Variants in RIT2 observed in about 807,000 individuals in gnomAD.
RIT2 encodes Ras like without CAAX 2.
RIT2 carries 24 observed loss-of-function variants against 23.7 expected under a neutral mutation model. That is an observed-to-expected ratio of 1.01 (90% CI 0.73 to 1.43). The LOEUF is 1.43. RIT2 is among the 40% of genes most tolerant of loss of function. The pLI is 0.00. For synonymous variants in RIT2, 107 were observed against 91.1 expected (o/e 1.17, Z -0.99); for missense variants, 236 against 266.9 (o/e 0.88, Z 0.81).
chr18:42,828,127 A>T (rs780429125), intron 4 of RIT2, among the ~76,000 whole-genome samples: 2 of 152,148 alleles, frequency 1.3e-5, no homozygotes, highest in Non-Finnish European at 2.9e-5. Context: ...GCTGACAAGG[A>T]TATGCATTGA....
rs1040972416 is a variant in RIT2 at position 42,873,467 on chromosome 18, T to C, written c.426+50105A>G. On this transcript the variant is annotated intron_variant, in intron 4 of 4. Coordinates refer to ENST00000326695, the MANE Select transcript of RIT2 (RefSeq NM_002930.4). ...GTTGAGAATGTGAGAGAAATTCTTA[T>C]GAGTAAAAACACAGAAGACACATCT... Among the ~76,000 whole-genome samples, 4 of 152,094 alleles carry C rather than the reference T, an allele frequency of 2.6e-5. No individual in the cohort carries two copies. The East Asian group carries it at 5.8e-4, about 22-fold the overall frequency.
intron 4 of RIT2, among the ~76,000 whole-genome samples, chr18:42,913,859 C>T (rs1445719476): frequency 6.6e-6 from 1 of 151,882 alleles, no homozygotes; most frequent in Non-Finnish European, 1.5e-5. Context: ...AGTGTTCTCA[C>T]CACAAAAAAT....
intron 4 of RIT2, among the ~76,000 whole-genome samples, chr18:42,898,003 G>A (rs1042132362): frequency 1.4e-5 from 2 of 147,684 alleles, no homozygotes; most frequent in African/African-American, 4.9e-5. Flanking sequence ...AGGTAGAGGA[G>A]GGTGAAATGG....
intron 4 of RIT2, among the ~76,000 whole-genome samples, chr18:42,745,575 T>C (rs558977877): frequency 1.3e-5 from 2 of 152,288 alleles, no homozygotes; most frequent in South Asian, 4.1e-4. Context: ...TCTTATTTTA[T>C]TTTTTTCATT....
At chr18:42,991,355 T>C (rs975418522) in intron 2 of RIT2, among the ~76,000 whole-genome samples, 1 of 152,130 alleles carries the variant, frequency 6.6e-6, no homozygotes, top group Admixed American at 6.6e-5. Flanking sequence ...GCAATGACAG[T>C]TTCACTGCTG....
At chr18:42,969,086 C>A (rs1007173361) in intron 3 of RIT2, among the ~76,000 whole-genome samples, 3 of 152,254 alleles carry the variant, frequency 2.0e-5, no homozygotes, top group Admixed American at 1.3e-4. Flanking sequence ...TCAAAACTAT[C>A]AAAATGTAGT....
chr18:42,748,484 G>A (rs998554452), intron 4 of RIT2, among the ~76,000 whole-genome samples: 4 of 152,072 alleles, frequency 2.6e-5, no homozygotes, highest in African/African-American at 9.6e-5. Context: ...CTTTTACACT[G>A]CTGGTGGGAA....
chr18:42,897,324 A>C (rs1302239826), intron 4 of RIT2, among the ~76,000 whole-genome samples: 1 of 152,182 alleles, frequency 6.6e-6, no homozygotes, highest in South Asian at 2.1e-4. Context: ...GCTGGTTGAC[A>C]GTGGGAAAGG....
At chr18:42,897,899 C>T (rs146697781) in intron 4 of RIT2, among the ~76,000 whole-genome samples, 2 of 152,224 alleles carry the variant, frequency 1.3e-5, no homozygotes, top group East Asian at 3.9e-4. Context: ...TAAATAAATG[C>T]TTCAGTCTTT....
chr18:43,040,971 AC>A (rs558496425), intron 1 of RIT2, among the ~76,000 whole-genome samples: 91 of 152,274 alleles, frequency 6.0e-4, no homozygotes, highest in African/African-American at 1.9e-3. Flanking sequence ...TAAAAACCAT[AC>A]TTTTAAAAAT....
At chr18:42,778,116 C>T (rs1259457915) in intron 4 of RIT2, among the ~76,000 whole-genome samples, 3 of 138,944 alleles carry the variant, frequency 2.2e-5, no homozygotes, top group African/African-American at 8.1e-5. Flanking sequence ...GCTTTTAGAG[C>T]AAAGGCACAG....
chr18:42,982,845 T>A (rs1339440879), intron 2 of RIT2, among the ~76,000 whole-genome samples: 1 of 152,072 alleles, frequency 6.6e-6, no homozygotes, highest in Non-Finnish European at 1.5e-5. Flanking sequence ...ATCAAATATT[T>A]AAATAAATAT....
At chr18:42,819,316 T>C (rs1357064034) in intron 4 of RIT2, among the ~76,000 whole-genome samples, 1 of 152,074 alleles carries the variant, frequency 6.6e-6, no homozygotes, top group Admixed American at 6.6e-5. Context: ...AAACTCTTAG[T>C]TCCATTTCAT....
chr18:42,767,378 C>T (rs1268411009), intron 4 of RIT2, among the ~76,000 whole-genome samples: 1 of 152,312 alleles, frequency 6.6e-6, no homozygotes, highest in East Asian at 1.9e-4. Flanking sequence ...TTTGACTGCC[C>T]TGCTGGATTT....
At chr18:42,785,540 C>T (rs1913903496) in intron 4 of RIT2, among the ~76,000 whole-genome samples, 1 of 151,758 alleles carries the variant, frequency 6.6e-6, no homozygotes, top group African/African-American at 2.4e-5. Context: ...CCATCTCATG[C>T]TATTTTATTG....
intron 2 of RIT2, among the ~76,000 whole-genome samples, chr18:43,004,302 T>G (rs974316673): frequency 6.6e-6 from 1 of 151,776 alleles, no homozygotes; most frequent in African/African-American, 2.4e-5. Context: ...GGAGGCACAT[T>G]TTCAGCAGGT....
chr18:42,769,204 G>T (rs960502372), intron 4 of RIT2, among the ~76,000 whole-genome samples: 1 of 152,076 alleles, frequency 6.6e-6, no homozygotes, highest in African/African-American at 2.4e-5. Flanking sequence ...ATATCGTTAG[G>T]GGCTCTGAGT....
At chr18:42,802,007 T>C (rs1156714653) in intron 4 of RIT2, among the ~76,000 whole-genome samples, 1 of 152,188 alleles carries the variant, frequency 6.6e-6, no homozygotes, top group Non-Finnish European at 1.5e-5. Flanking sequence ...CCCTATTTAT[T>C]TATTTTGTAA....
intron 4 of RIT2, among the ~76,000 whole-genome samples, chr18:42,760,059 A>G (rs647925): frequency 0.98 from 149,709 of 152,282 alleles, 73,660 homozygotes; most frequent in Middle Eastern, 1. Context: ...TTATAGGCAT[A>G]AGCCACCGCA....
Sources: allele counts gnomAD v4.1 joint callset (sites outside exome capture counted in the v4.1 genomes callset), GRCh38; gene constraint gnomAD v4.1.1; transcripts MANE v1.5; gene names NCBI Gene and HGNC (gene_info 2026-07-23, HGNC 2026-07-21).